The following RORA variants were observed in gnomAD, a reference collection of about 807,000 sequenced individuals.
The protein encoded by RORA is nuclear receptor ROR-alpha.
Under a neutral mutation model 69.5 loss-of-function variants are expected in RORA, and 7 were observed. The observed-to-expected ratio is 0.10, with a 90% CI of 0.06 to 0.19. The LOEUF (loss-of-function observed/expected upper bound fraction) is 0.19, where lower values mean the gene tolerates loss of function less well. Among genes scored for constraint, RORA ranks in the 10% least tolerant of loss-of-function variants. The probability of loss-of-function intolerance (pLI) is 1.00; values close to 1 mark genes in which losing one functional copy is unlikely to be tolerated. For synonymous variants in RORA, 261 were observed against 240.8 expected (o/e 1.08, Z -0.78); for missense variants, 457 against 663.0 (o/e 0.69, Z 3.41).
rs189891278 is a variant in RORA at position 60,760,975 on chromosome 15, A to G, written c.167-82289T>C. On this transcript the variant is annotated intron_variant, in intron 1 of 10. Coordinates refer to ENST00000335670, the MANE Select transcript of RORA (RefSeq NM_134261.3). ...GGTCAAATATCAGAGTTTTTGTATGACGCTGCCTAATTAGTGCCACCCTAA... is the reference window on the plus strand; with the variant it reads ...GGTCAAATATCAGAGTTTTTGTATGGCGCTGCCTAATTAGTGCCACCCTAA... 1.1e-3 allele frequency among the ~76,000 whole-genome samples: 173 copies of G among 152,250 alleles called. 4 individuals are homozygous for G. The East Asian group carries it at 0.021, about 19-fold the overall frequency.
At chr15:60,723,073 G>T (rs2071313275) in intron 1 of RORA, among the ~76,000 whole-genome samples, 1 of 152,106 alleles carries the variant, frequency 6.6e-6, no homozygotes. Flanking sequence ...TCAAGGGTGT[G>T]CAGACAGTTG....
At chr15:60,785,761 G>A (rs8033027) in intron 1 of RORA, among the ~76,000 whole-genome samples, 2,618 of 152,196 alleles carry the variant, frequency 0.017, 97 homozygotes, top group African/African-American at 0.058. Flanking sequence ...TCCGATCATC[G>A]CTTCCTCGGG....
intron 1 of RORA, among the ~76,000 whole-genome samples, chr15:61,042,376 T>C (rs1386557206): frequency 1.4e-5 from 2 of 145,050 alleles, no homozygotes; most frequent in Admixed American, 1.4e-4. Flanking sequence ...TCCTAATGAA[T>C]AAATACACAC....
intron 1 of RORA, among the ~76,000 whole-genome samples, chr15:61,077,725 T>C (rs11629597): frequency 0.15 from 22,695 of 152,188 alleles, 2,196 homozygotes; most frequent in Non-Finnish European, 0.21. Flanking sequence ...GTTAGGTCCC[T>C]AAAATAAAAA....
At chr15:60,564,744 A>C (rs2067668373) in intron 2 of RORA, among the ~76,000 whole-genome samples, 1 of 152,158 alleles carries the variant, frequency 6.6e-6, no homozygotes, top group Non-Finnish European at 1.5e-5. Flanking sequence ...AATCTGAGAA[A>C]ACCCTAGATT....
intron 1 of RORA, among the ~76,000 whole-genome samples, chr15:61,189,280 G>A (rs921878306): frequency 1.3e-5 from 2 of 152,178 alleles, no homozygotes; most frequent in Admixed American, 6.5e-5. Context: ...GCCTTCTTAA[G>A]GTTAATGGTA....
chr15:61,121,221 G>A (rs1401156464), intron 1 of RORA, among the ~76,000 whole-genome samples: 1 of 152,170 alleles, frequency 6.6e-6, no homozygotes, highest in Non-Finnish European at 1.5e-5. Flanking sequence ...CTATTTTACA[G>A]ATGAGGACAT....
chr15:61,229,146 C>T lies in RORA; in HGVS notation c.73G>A (p.Gly25Ser), dbSNP rs772367039. 12 of 1,543,566 alleles carry T rather than the reference C, an allele frequency of 7.8e-6. No homozygotes were observed. Among genetic ancestry groups the T allele is most frequent in the South Asian group, 7.1e-5 (6 of 84,024 alleles). ...TGGTTCAGCGGGGTCTCCCTGGAGCCGGCGGCCGCGTCCGCGCCGCTGCTG... is the reference window on the plus strand; with the variant it reads ...TGGTTCAGCGGGGTCTCCCTGGAGCTGGCGGCCGCGTCCGCGCCGCTGCTG... The part of the protein sequence containing the change: ...PGSSGADAAA[G>S]SRETPLNQES... The change falls in exon 1 of 11, where the codon GGC becomes AGC. Residue 25 changes from glycine (G) to serine (S), a missense_variant. Gly to Ser is a moderately conservative substitution (Grantham distance 56). Transcript: ENST00000335670.
chr15:61,036,247 A>G (rs536273416), intron 1 of RORA, among the ~76,000 whole-genome samples: 1 of 152,288 alleles, frequency 6.6e-6, no homozygotes, highest in South Asian at 2.1e-4. Context: ...CAGGAAAGAC[A>G]TGACAGGGAT....
chr15:61,053,672 A>G (rs1339058178), intron 1 of RORA, among the ~76,000 whole-genome samples: 1 of 151,806 alleles, frequency 6.6e-6, no homozygotes, highest in Non-Finnish European at 1.5e-5. Context: ...GCGGTCTTTG[A>G]GAATGCCTCA....
chr15:61,128,070 G>C lies in RORA; in HGVS notation c.166+100983C>G, dbSNP rs571313760. On this transcript the variant is annotated intron_variant, in intron 1 of 10. Coordinates refer to ENST00000335670, the MANE Select transcript of RORA (RefSeq NM_134261.3). The surrounding 1 kb of genome is among the most constrained non-coding windows in gnomAD (Gnocchi z 4.5). Reference sequence around the variant, plus strand: ...CTGGAGGAAAAAAACAAGGGAAGGAGAAAGGGAGGGAAAATGCTTTTGGTT... The same window carrying C: ...CTGGAGGAAAAAAACAAGGGAAGGACAAAGGGAGGGAAAATGCTTTTGGTT... 6.6e-6 allele frequency among the ~76,000 whole-genome samples: 1 copy of C among 152,296 alleles called. No individual in the cohort carries two copies. The highest frequency in any genetic ancestry group is 2.4e-5 in the African/African-American group (1 of 41,568).
intron 1 of RORA, among the ~76,000 whole-genome samples, chr15:60,766,643 T>A (rs1052307799): frequency 2.0e-5 from 3 of 149,826 alleles, no homozygotes. Context: ...TTTAATAGAT[T>A]GCCAAACTTT....
At chr15:61,228,015 TC>T (rs528816027) in intron 1 of RORA, among the ~76,000 whole-genome samples, 5 of 148,362 alleles carry the variant, frequency 3.4e-5, no homozygotes, top group African/African-American at 9.9e-5. Flanking sequence ...AGCAACTGAG[TC>T]CCCCCCATCC....
intron 1 of RORA, among the ~76,000 whole-genome samples, chr15:60,737,197 T>G (rs2071512920): frequency 6.6e-6 from 1 of 152,172 alleles, no homozygotes; most frequent in South Asian, 2.1e-4. Context: ...AGGTGGATCA[T>G]GTTGTCACTG....
chr15:60,781,483 C>G (rs2072254225), intron 1 of RORA, among the ~76,000 whole-genome samples: 1 of 152,154 alleles, frequency 6.6e-6, no homozygotes, highest in East Asian at 1.9e-4. Context: ...ACGGAGGGGA[C>G]CCAGCCAGCC....
intron 1 of RORA, among the ~76,000 whole-genome samples, chr15:60,809,034 G>A (rs1413243377): frequency 6.6e-6 from 1 of 152,056 alleles, no homozygotes; most frequent in South Asian, 2.1e-4. Flanking sequence ...ATGTTGGGGG[G>A]TGGCGACGGA....
At chr15:60,925,806 T>G (rs924006022) in intron 1 of RORA, among the ~76,000 whole-genome samples, 11 of 152,238 alleles carry the variant, frequency 7.2e-5, no homozygotes, top group Non-Finnish European at 1.5e-4. Context: ...GTTCTGCTGG[T>G]ACTCAGGACA....
intron 1 of RORA, among the ~76,000 whole-genome samples, chr15:61,054,315 T>TCAA (rs2078059500): frequency 9.1e-6 from 1 of 109,524 alleles, no homozygotes; most frequent in Non-Finnish European, 2.3e-5. Context: ...TTTCATTTTC[T>TCAA]GAAAAAAAAA....
Position 61,214,032 on chromosome 15 carries a change from G to A in RORA, c.166+15021C>T, listed in dbSNP as rs555116145. 3.9e-5 allele frequency: 6 copies of A among 152,316 alleles called. No homozygotes were observed. The South Asian group carries it at 1.2e-3, about 32-fold the overall frequency. The allele number at this position is 152,316 out of a possible 1,614,324, so 9.4% of individuals were successfully genotyped here. On this transcript the variant is annotated intron_variant, in intron 1 of 10. Coordinates refer to ENST00000335670, the MANE Select transcript of RORA (RefSeq NM_134261.3). The stretch of plus-strand genomic sequence containing the variant: ...CGAATGCTCATGTAAAAGGCAGAGA[G>A]ATATGGGACAGAACACTGAAGACAA...
Sources: gnomAD v4.1 joint callset for allele counts (sites outside exome capture counted in the v4.1 genomes callset) on GRCh38, gnomAD v4.1.1 for gene constraint, Gnocchi (gnomAD v3.1) non-coding constraint, MANE v1.5 for transcripts, NCBI Gene and HGNC (gene_info 2026-07-23, HGNC 2026-07-21) for gene names.